ARHGAP44: variants seen among roughly 807,000 people sequenced by gnomAD.
The protein encoded by ARHGAP44 is rho GTPase-activating protein 44.
In ARHGAP44, 43 loss-of-function variants were observed where a neutral mutation model predicts 106.8. The ratio of observed to expected loss-of-function variants is 0.40; its 90% confidence interval spans 0.32 to 0.52. The LOEUF (loss-of-function observed/expected upper bound fraction) is 0.52, where lower values mean the gene tolerates loss of function less well. Ranked by LOEUF, ARHGAP44 falls within the 20% of genes least tolerant of loss-of-function variation. ARHGAP44 has a pLI of 0.48. For missense variants in ARHGAP44, 866 were observed against 1,050.5 expected (o/e 0.82, Z 2.43); for synonymous variants, 439 against 410.3 (o/e 1.07, Z -0.85).
intron 18 of ARHGAP44, among the ~76,000 whole-genome samples, chr17:12,977,581 CAT>C (rs1277315493): frequency 6.6e-6 from 1 of 152,206 alleles, no homozygotes; most frequent in Non-Finnish European, 1.5e-5. Context: ...CTGAGTCATG[CAT>C]CTTCAGAGCT....
At chr17:12,891,812 T>TC (rs1426262650) in intron 1 of ARHGAP44, among the ~76,000 whole-genome samples, 1 of 151,256 alleles carries the variant, frequency 6.6e-6, no homozygotes, top group Non-Finnish European at 1.5e-5. Context: ...TTTTTTTTTT[T>TC]AGATGGAGTC....
intron 16 of ARHGAP44, among the ~76,000 whole-genome samples, chr17:12,972,746 C>T (rs2039560862): frequency 6.6e-6 from 1 of 151,518 alleles, no homozygotes; most frequent in South Asian, 2.1e-4. Flanking sequence ...ACTGCAAGCT[C>T]CACCTCCTGG....
At chr17:12,908,198 T>C (rs1158753394) in intron 3 of ARHGAP44, among the ~76,000 whole-genome samples, 57 of 146,982 alleles carry the variant, frequency 3.9e-4, no homozygotes, top group African/African-American at 1.4e-3. Context: ...TTTCTTTTTT[T>C]TTTTTTTTTT....
chr17:12,939,457 CTTTATTT>C (rs2038644234), intron 7 of ARHGAP44, among the ~76,000 whole-genome samples: 1 of 151,816 alleles, frequency 6.6e-6, no homozygotes, highest in African/African-American at 2.4e-5. Flanking sequence ...ATGTTAACTT[CTTTATTT>C]TTTATTTTTT....
chr17:12,980,312 G>C, intron 19 of ARHGAP44, 79 bp downstream of exon 19: 1 of 1,443,196 alleles, frequency 6.9e-7, no homozygotes, highest in South Asian at 1.4e-5. Flanking sequence ...TTTCCTCTAT[G>C]AACTTGGATA....
intron 16 of ARHGAP44, among the ~76,000 whole-genome samples, chr17:12,970,365 C>CAAAAAAAA (rs66577680): frequency 2.9e-4 from 16 of 55,128 alleles, no homozygotes; most frequent in African/African-American, 5.5e-4. Context: ...GACCCTGTCT[C>CAAAAAAAA]AAAAAAAAAA....
intron 10 of ARHGAP44, among the ~76,000 whole-genome samples, 166 bp from the exon 11 acceptor site, chr17:12,948,974 C>T (rs1027092174): frequency 5.9e-5 from 9 of 152,126 alleles, no homozygotes; most frequent in Non-Finnish European, 1.3e-4. Context: ...TGCTTATGTG[C>T]CAAGAGGGAG....
At chr17:12,917,196 TTTCTCCCCTATTAGGGGAAGTTGGGA>T (rs978913513) in intron 5 of ARHGAP44, 3 of 154,238 alleles carry the variant, frequency 1.9e-5, no homozygotes, top group South Asian at 2.0e-4. Flanking sequence ...ATGAGAGGGG[TTTCTCCCCTATTAGGGGAAGTTGGGA>T]TTCTCCCCTA....
chr17:12,830,399 G>A (rs2035049836), intron 1 of ARHGAP44, among the ~76,000 whole-genome samples: 1 of 152,050 alleles, frequency 6.6e-6, no homozygotes, highest in Non-Finnish European at 1.5e-5. Flanking sequence ...CCCTCTTACA[G>A]TAAGATGTGG....
intron 1 of ARHGAP44, among the ~76,000 whole-genome samples, chr17:12,889,748 A>C (rs897540735): frequency 3.3e-5 from 5 of 152,218 alleles, no homozygotes; most frequent in African/African-American, 4.8e-5. Flanking sequence ...TTCAAGGTAC[A>C]ATTCTTCCTG....
intron 1 of ARHGAP44, among the ~76,000 whole-genome samples, chr17:12,797,740 A>G (rs2033967010): frequency 6.6e-6 from 1 of 152,092 alleles, no homozygotes. Flanking sequence ...TCATTTGTTT[A>G]TTGTCTCTCA....
chr17:12,799,797 T>C (rs2034034217), intron 1 of ARHGAP44, among the ~76,000 whole-genome samples: 1 of 152,150 alleles, frequency 6.6e-6, no homozygotes, highest in East Asian at 1.9e-4. Context: ...ACCAGGCTAA[T>C]TTTTGTATTT....
chr17:12,957,486 C>T (rs1040256944), intron 15 of ARHGAP44, among the ~76,000 whole-genome samples: 8 of 152,176 alleles, frequency 5.3e-5, no homozygotes, highest in African/African-American at 1.7e-4. Context: ...TCAGGACTTG[C>T]AGATCACCTG....
chr17:12,959,898 A>G (rs1463239811), intron 16 of ARHGAP44, among the ~76,000 whole-genome samples: 1 of 152,280 alleles, frequency 6.6e-6, no homozygotes, highest in Non-Finnish European at 1.5e-5. Context: ...GGGCAGCCAG[A>G]AAGATATGCT....
chr17:12,811,253 C>T (rs1162223245), intron 1 of ARHGAP44, among the ~76,000 whole-genome samples: 1 of 148,846 alleles, frequency 6.7e-6, no homozygotes, highest in Non-Finnish European at 1.5e-5. Flanking sequence ...GCGGAGCTTG[C>T]AGTGAGCCGA....
intron 20 of ARHGAP44, among the ~76,000 whole-genome samples, chr17:12,989,384 T>TGAA (rs1344137717): frequency 6.6e-6 from 1 of 152,190 alleles, no homozygotes; most frequent in Non-Finnish European, 1.5e-5. Flanking sequence ...ACTGAGCTGT[T>TGAA]ATTTCAAGTA....
intron 1 of ARHGAP44, among the ~76,000 whole-genome samples, chr17:12,840,259 G>C (rs1031021595): frequency 5.9e-5 from 9 of 152,038 alleles, no homozygotes; most frequent in Non-Finnish European, 1.2e-4. Context: ...CATTGTTTCA[G>C]TCTGGAAGCA....
chr17:12,913,967 T>TTA (rs2037821958), intron 4 of ARHGAP44, among the ~76,000 whole-genome samples: 1 of 12,722 alleles, frequency 7.9e-5, no homozygotes, highest in Non-Finnish European at 1.9e-4. Context: ...AGATTTTGTC[T>TTA]CAAAAAAAAA....
intron 1 of ARHGAP44, among the ~76,000 whole-genome samples, chr17:12,811,990 G>C (rs2034453810): frequency 6.6e-6 from 1 of 152,098 alleles, no homozygotes; most frequent in Non-Finnish European, 1.5e-5. Context: ...AGGTTCCTGT[G>C]GTCAGGACAC....
Sources: allele counts gnomAD v4.1 joint callset (sites outside exome capture counted in the v4.1 genomes callset), GRCh38; gene constraint gnomAD v4.1.1; transcripts MANE v1.5; gene names NCBI Gene and HGNC (gene_info 2026-07-23, HGNC 2026-07-21).